The following DOCK6 variants were observed in gnomAD, a reference collection of about 807,000 sequenced individuals.
DOCK6 encodes the protein dedicator of cytokinesis protein 6.
In DOCK6, 167 loss-of-function variants were observed where a neutral mutation model predicts 230.3. That is an observed-to-expected ratio of 0.73 (90% CI 0.64 to 0.82). The LOEUF (loss-of-function observed/expected upper bound fraction) is 0.82, where lower values mean the gene tolerates loss of function less well. Ranked by LOEUF, DOCK6 falls within the 40% of genes least tolerant of loss-of-function variation. The pLI, the probability that DOCK6 is intolerant of heterozygous loss-of-function variation, is 0.00. For missense variants in DOCK6, 2,598 were observed against 2,825.8 expected, an observed-to-expected ratio of 0.92 and a Z score of 1.83; for synonymous variants, 1,148 against 1,185.0, an observed-to-expected ratio of 0.97 and a Z score of 0.64.
At chr19:11,245,743 C>A in intron 8 of DOCK6, 31 bp from the exon 9 acceptor site, 2 of 1,606,500 alleles carry the variant, frequency 1.2e-6, no homozygotes, top group Non-Finnish European at 1.7e-6. Context: ...TGGGCCACCA[C>A]CTCTGGGAAG....
rs368166109 is a variant in DOCK6 at position 11,202,049 on chromosome 19, C to A, written c.5528G>T (p.Arg1843Leu). 6.2e-7 allele frequency: 1 copy of A among 1,613,908 alleles called. No homozygotes were observed. The highest frequency in any genetic ancestry group is 8.5e-7 in the Non-Finnish European group (1 of 1,179,918). ...CAGGAATGTGCGAAGCCCATAGTTG[C>A]GGTCAAAGTAGGTCACCCGGTCCTT... ...ELKDRVTYFD[R>L]NYGLRTFLFC... Residue 1843 changes from arginine (R) to leucine (L), a missense_variant, in exon 44 of 48, where the codon CGC becomes CTC. Coordinates refer to ENST00000294618, the MANE Select transcript of DOCK6 (RefSeq NM_020812.4). The surrounding 1 kb of genome is among the most constrained non-coding windows in gnomAD (Gnocchi z 5.3).
intron 14 of DOCK6, among the ~76,000 whole-genome samples, chr19:11,239,395 C>T (rs1185174703): frequency 1.3e-5 from 2 of 152,210 alleles, no homozygotes; most frequent in African/African-American, 4.8e-5. Flanking sequence ...GAACTCCCAG[C>T]AGGGTCTGGG....
Position 11,241,113 on chromosome 19 carries a change from G to GT in DOCK6, c.1643+931_1643+932insA, listed in dbSNP as rs550635514. 1.6e-3 allele frequency among the ~76,000 whole-genome samples: 247 copies of GT among 152,058 alleles called. 2 individuals are homozygous for GT. The highest frequency in any genetic ancestry group is 5.8e-3 in the African/African-American group (242 of 41,518). ...TACAAAAAATTAGCTGGGCGTGGTG[G>GT]CACATGCCTGTAGTCCCAGCTACTC... On this transcript the variant is annotated intron_variant, in intron 14 of 47. Transcript: ENST00000294618.
chr19:11,214,715 C>T lies in DOCK6; in HGVS notation c.4107-66G>A, dbSNP rs985212901. 7 of 1,488,956 alleles carry T rather than the reference C, an allele frequency of 4.7e-6. No homozygotes were observed. In the South Asian group the frequency reaches 8.2e-5, roughly 17 times the overall value. 92.2% of individuals were successfully genotyped at this position (1,488,956 alleles called of 1,614,324 possible). On this transcript the variant is annotated intron_variant, in intron 32 of 47. Coordinates refer to ENST00000294618, the MANE Select transcript of DOCK6 (RefSeq NM_020812.4). The stretch of plus-strand genomic sequence containing the variant: ...AGATCCTACTCCATGGCTGAGCTCT[C>T]TCCTTCCCCTGGCAGCCCAGGGGGC...
At chr19:11,239,977 A>G (rs2147841461) in intron 14 of DOCK6, 1 of 1,555,834 alleles carries the variant, frequency 6.4e-7, no homozygotes, top group South Asian at 1.2e-5. Context: ...CCAGGAGTCC[A>G]AAGAGGAGTT....
At position 11,208,898 on chromosome 19, in the gene DOCK6, C is replaced by T. The variant is rs1200286853; in HGVS notation, c.4944+13G>A. 3 of 1,597,614 alleles carry T rather than the reference C, an allele frequency of 1.9e-6. No homozygotes were observed. The highest frequency in any genetic ancestry group is 1.3e-5 in the African/African-American group (1 of 74,698). On this transcript the variant is annotated intron_variant, in intron 38 of 47. Coordinates refer to ENST00000294618, the MANE Select transcript of DOCK6 (RefSeq NM_020812.4). ...TCGTGCCGTCCGCCACCTGCCAACC[C>T]CTGGCCACTCACCTGGAAGGAAACG...
chr19:11,225,731 C>CA (rs139751477), intron 24 of DOCK6, among the ~76,000 whole-genome samples: 5,324 of 151,646 alleles, frequency 0.035, 312 homozygotes, highest in African/African-American at 0.12. Context: ...AAACCACACA[C>CA]AAAAAAACCC....
chr19:11,243,550 T>C lies in DOCK6; in HGVS notation c.1258+7A>G. 6.3e-7 allele frequency: 1 copy of C among 1,593,082 alleles called. No homozygotes were observed. On this transcript the variant is annotated splice_region_variant and intron_variant, in intron 11 of 47. Transcript: ENST00000294618. This position sits in a 1 kb window ranked among gnomAD's most constrained non-coding sequence, Gnocchi z 6.3. ...CCGCCCCAAGCCTGTTAGCCCCGCCTCCTCACCGCCCTCCGAGTCAGAGTC... is the reference window on the plus strand; with the variant it reads ...CCGCCCCAAGCCTGTTAGCCCCGCCCCCTCACCGCCCTCCGAGTCAGAGTC...
intron 9 of DOCK6, among the ~76,000 whole-genome samples, chr19:11,244,394 TCTC>T (rs1365685623): frequency 1.3e-5 from 2 of 148,792 alleles, no homozygotes; most frequent in African/African-American, 5.0e-5. Context: ...TTTAAGCAAT[TCTC>T]CTGCCTCAGC....
In DOCK6 at chr19:11,217,387, G is replaced by A; in HGVS notation, c.3555C>T (p.Gly1185=). 7 of 1,612,744 alleles carry A rather than the reference G, an allele frequency of 4.3e-6. No individual in the cohort carries two copies. The highest frequency in any genetic ancestry group is 5.9e-6 in the Non-Finnish European group (7 of 1,179,452). Residue 1185 remains glycine, a synonymous_variant, in exon 29 of 48, where the codon GGC becomes GGT. Transcript: ENST00000294618. Reference sequence around the variant, plus strand: ...AGGCCAGTCTTGACCGCTGACCTGGGCCCTCTGGCAGGGAAAGACAGAGGG... The same window carrying A: ...AGGCCAGTCTTGACCGCTGACCTGGACCCTCTGGCAGGGAAAGACAGAGGG... ...TLPRLHDFAE[G]PGQRSRLASM...
chr19:11,244,162 T>TTATGTATGTATG (rs545302357), intron 9 of DOCK6, among the ~76,000 whole-genome samples: 26 of 152,190 alleles, frequency 1.7e-4, no homozygotes, highest in Admixed American at 6.5e-4. Context: ...TTATTTACAT[T>TTATGTATGTATG]TATGTATGTA....
intron 7 of DOCK6, 76 bp from the exon 8 acceptor site, chr19:11,245,954 C>G: frequency 6.6e-7 from 1 of 1,515,554 alleles, no homozygotes; most frequent in Non-Finnish European, 9.0e-7. Context: ...TCTTGAGGCC[C>G]AAGGTGGGGG....
rs776543777 is a variant in DOCK6 at position 11,221,944 on chromosome 19, C to T, written c.3457G>A (p.Ala1153Thr). 2.2e-5 allele frequency: 36 copies of T among 1,613,666 alleles called. No homozygotes were observed. The highest frequency in any genetic ancestry group is 1.6e-4 in the Middle Eastern group (1 of 6,084). Residue 1153 changes from alanine to threonine, a missense_variant, in exon 28 of 48, where the codon GCC becomes ACC. Ala to Thr is a moderately conservative substitution (Grantham distance 58). Transcript: ENST00000294618. ...LCGHDTDPRY[A>T]EATVKARVAE... is the part of the protein sequence containing the mutation. ...ACACGAGCCTTCACAGTGGCCTCGG[C>T]GTAGCGGGGGTCAGTGTCATGGCCA...
chr19:11,252,239 G>A lies in DOCK6; in HGVS notation c.387C>T (p.Tyr129=). 1 of 1,584,076 alleles carries A rather than the reference G, an allele frequency of 6.3e-7. No homozygotes were observed. Among genetic ancestry groups the A allele is most frequent in the Non-Finnish European group, 8.6e-7 (1 of 1,164,894 alleles). Residue 129 remains tyrosine (Y), a synonymous_variant, in exon 5 of 48, where the codon TAC becomes TAT. Coordinates refer to ENST00000294618, the MANE Select transcript of DOCK6 (RefSeq NM_020812.4). ...TGACGGGGCTGTATGCTGCACTCAG[G>A]TACTGATACCTAGCAGGAAACGGGG... ...DWVIVHRRYQ[Y]LSAAYSPVTT...
chr19:11,202,803 T>C lies in DOCK6; in HGVS notation c.5236-94A>G. On this transcript the variant is annotated intron_variant, in intron 41 of 47. Transcript: ENST00000294618. This position sits in a 1 kb window ranked among gnomAD's most constrained non-coding sequence, Gnocchi z 5.3. Reference sequence around the variant, plus strand: ...GGTGTCTCGAATATCAGGATGGGAGTGTGAGGACCCCGAGAACATCAGGGC... The same window carrying C: ...GGTGTCTCGAATATCAGGATGGGAGCGTGAGGACCCCGAGAACATCAGGGC... The C allele has an allele frequency of 6.3e-7, 1 of 1,588,734 alleles. No homozygotes were observed. Among genetic ancestry groups the C allele is most frequent in the Admixed American group, 1.7e-5 (1 of 59,734 alleles).
Position 11,258,640 on chromosome 19 carries a change from C to A in DOCK6, c.44+3757G>T, listed in dbSNP as rs1290746100. 2.6e-5 allele frequency among the ~76,000 whole-genome samples: 4 copies of A among 151,534 alleles called. No individual in the cohort carries two copies. In the South Asian group the frequency reaches 8.3e-4, roughly 31 times the overall value. On this transcript the variant is annotated intron_variant, in intron 1 of 47. Transcript: ENST00000294618. The stretch of plus-strand genomic sequence containing the variant: ...TAGAGATGGGGTTTCACCATGTTGG[C>A]CAAGCTGGCCTCGAACTCCTGACCT...
In DOCK6 at chr19:11,213,248, G is replaced by A; in HGVS notation, c.4419C>T (p.Arg1473=). The A allele has an allele frequency of 1.2e-6, 2 of 1,612,426 alleles. No individual in the cohort carries two copies. The highest frequency in any genetic ancestry group is 1.7e-6 in the Non-Finnish European group (2 of 1,179,778). Residue 1473 remains arginine, a synonymous_variant, in exon 35 of 48, where the codon CGC becomes CGT. Coordinates refer to ENST00000294618, the MANE Select transcript of DOCK6 (RefSeq NM_020812.4). ...TGGCGTGCGTGCGGATGGTGCTGAT[G>A]CGGCTGCCACAGTGTCGTAGGAGCC... ...CLRLLRHCGS[R]ISTIRTHASA...
intron 13 of DOCK6, 104 bp from the exon 14 acceptor site, chr19:11,242,311 G>C (rs1212129704): frequency 2.5e-6 from 3 of 1,188,000 alleles, no homozygotes; most frequent in Admixed American, 3.9e-5. Flanking sequence ...ATGTTCTCTG[G>C]GGACTGGGGG....
intron 5 of DOCK6, chr19:11,251,888 C>T (rs1444835820): frequency 3.4e-6 from 2 of 586,236 alleles, no homozygotes; most frequent in Non-Finnish European, 5.8e-6. Context: ...GGTGTAATGG[C>T]TGCCCTGACT....
Sources: gnomAD v4.1 joint callset for allele counts (sites outside exome capture counted in the v4.1 genomes callset) on GRCh38, gnomAD v4.1.1 for gene constraint, Gnocchi (gnomAD v3.1) non-coding constraint, MANE v1.5 for transcripts, NCBI Gene and HGNC (gene_info 2026-07-23, HGNC 2026-07-21) for gene names.